The following KLK1 variants were observed in gnomAD, a reference collection of about 807,000 sequenced individuals.
KLK1 encodes the protein kallikrein 1.
KLK1 carries 22 observed loss-of-function variants against 23.3 expected under a neutral mutation model. The observed-to-expected ratio is 0.95, with a 90% CI of 0.68 to 1.35. KLK1 has a LOEUF of 1.35. Ranked by LOEUF, KLK1 falls within the 40% of genes most tolerant of loss-of-function variation. The probability of loss-of-function intolerance (pLI) is 0.00; values close to 1 mark genes in which losing one functional copy is unlikely to be tolerated. For missense variants in KLK1, 301 were observed against 338.9 expected (o/e 0.89, Z 0.88); for synonymous variants, 140 against 135.8 (o/e 1.03, Z -0.21).
intron 1 of KLK1, chr19:50,822,989 C>T: frequency 1.2e-6 from 1 of 848,602 alleles, no homozygotes. Context: ...AGGGCTGGGG[C>T]CTGGGGCGGG....
chr19:50,820,332 C>A lies in KLK1; in HGVS notation c.318G>T (p.Leu106=). ...CGTCTGCTTGGCGGGTGTGGTTCTC[C>A]AGGAGGCTCATGTTGAAGCCAGGGT... The part of the protein sequence containing the change: ...FPHPGFNMSL[L]ENHTRQADED... The change falls in exon 3 of 5, where the codon CTG becomes CTT. Residue 106 remains leucine, a synonymous_variant. Coordinates refer to ENST00000301420, the MANE Select transcript of KLK1 (RefSeq NM_002257.4). 1 of 1,613,986 alleles carries A rather than the reference C, an allele frequency of 6.2e-7. No individual in the cohort carries two copies.
intron 4 of KLK1, 69 bp downstream of exon 4, chr19:50,819,830 C>G: frequency 6.6e-7 from 1 of 1,523,448 alleles, no homozygotes; most frequent in Non-Finnish European, 8.9e-7. Flanking sequence ...GGTTAGCTCT[C>G]AGAAGCCAGT....
chr19:50,819,608 A>C (rs1403060689), intron 4 of KLK1, among the ~76,000 whole-genome samples: 1 of 152,214 alleles, frequency 6.6e-6, no homozygotes, highest in African/African-American at 2.4e-5. Context: ...GACCATCTGC[A>C]GGACGCTGCC....
rs1323239862 is a variant in KLK1 at position 50,819,950 on chromosome 19, T to C, written c.582A>G (p.Thr194=). ...GGTGTCCGACACACAGCATGAAGTCTGTCACCTTCTGGACGTGGGCTTTTT... is the reference window on the plus strand; with the variant it reads ...GGTGTCCGACACACAGCATGAAGTCCGTCACCTTCTGGACGTGGGCTTTTT... ...ECKKAHVQKV[T]DFMLCVGHLE... The change falls in exon 4 of 5, where the codon ACA becomes ACG. Residue 194 remains threonine (T), a synonymous_variant. Coordinates refer to ENST00000301420, the MANE Select transcript of KLK1 (RefSeq NM_002257.4). 2.5e-6 allele frequency: 4 copies of C among 1,614,110 alleles called. No homozygotes were observed. Among genetic ancestry groups the C allele is most frequent in the South Asian group, 1.1e-5 (1 of 91,080 alleles).
Position 50,821,703 on chromosome 19 carries a change from C to G in KLK1, c.206+9G>C. 6.3e-7 allele frequency: 1 copy of G among 1,599,722 alleles called. No individual in the cohort carries two copies. Among genetic ancestry groups the G allele is most frequent in the Non-Finnish European group, 8.5e-7 (1 of 1,172,106 alleles). The stretch of plus-strand genomic sequence containing the variant: ...ATGCCCTCCTCCCAGACCCCAGGCC[C>G]CTACTCACTCGCTGATGCAATGAGC... On this transcript the variant is annotated intron_variant, in intron 2 of 4. Transcript: ENST00000301420. This position sits in a 1 kb window ranked among gnomAD's most constrained non-coding sequence, Gnocchi z 5.6.
chr19:50,819,883 G>A lies in KLK1; in HGVS notation c.633+16C>T, dbSNP rs761124969. 4.5e-5 allele frequency: 72 copies of A among 1,613,250 alleles called. No individual in the cohort carries two copies. Among genetic ancestry groups the A allele is most frequent in the Non-Finnish European group, 2.1e-5 (25 of 1,179,614 alleles). On this transcript the variant is annotated intron_variant, in intron 4 of 4. Transcript: ENST00000301420. ...TCCCTCAGCCCTTCCAGACCCTGGG[G>A]GCAGGGCTGCCTCACCACACAGGTG...
chr19:50,823,573 G>A lies in KLK1; in HGVS notation c.46+130C>T. ...GATAGATAAGAGCCGGGGCACCCCG[G>A]ACTAGGATAGACTGTGGGCCAGAGG... On this transcript the variant is annotated intron_variant, in intron 1 of 4. Transcript: ENST00000301420. 3 of 572,784 alleles carry A rather than the reference G, an allele frequency of 5.2e-6. 1 individual carries two copies. The South Asian group carries it at 8.6e-5, about 16-fold the overall frequency. The allele number at this position is 572,784 out of a possible 1,614,324, so 35.5% of individuals were successfully genotyped here. A position where few individuals can be genotyped will look rare whatever the true frequency, so the allele number is the denominator to read the frequency against.
chr19:50,819,798 G>A (rs1184102128), intron 4 of KLK1, 101 bp downstream of exon 4: 1 of 1,189,660 alleles, frequency 8.4e-7, no homozygotes, highest in East Asian at 2.4e-5. Flanking sequence ...CAGCTAGCTG[G>A]GAAGCAGTGA....
Position 50,821,246 on chromosome 19 carries a change from G to A in KLK1, c.206+466C>T, listed in dbSNP as rs955785243. 1.3e-5 allele frequency among the ~76,000 whole-genome samples: 2 copies of A among 152,150 alleles called. No individual in the cohort carries two copies. The highest frequency in any genetic ancestry group is 2.9e-5 in the Non-Finnish European group (2 of 68,030). ...CAGAGGGAGAGGCGCCCCCTCCCAG[G>A]CACACAAGTTGGGGATAAAGCCCTT... On this transcript the variant is annotated intron_variant, in intron 2 of 4. Coordinates refer to ENST00000301420, the MANE Select transcript of KLK1 (RefSeq NM_002257.4). This position sits in a 1 kb window ranked among gnomAD's most constrained non-coding sequence, Gnocchi z 5.6.
intron 1 of KLK1, chr19:50,822,103 G>T: frequency 7.6e-7 from 1 of 1,320,174 alleles, no homozygotes. Context: ...TCTGACAGTA[G>T]AGCAGCCTCC....
In KLK1 at chr19:50,820,256, T is replaced by C; in HGVS notation, c.394A>G (p.Thr132Ala). The C allele has an allele frequency of 6.2e-7, 1 of 1,614,030 alleles. No individual in the cohort carries two copies. Among genetic ancestry groups the C allele is most frequent in the Non-Finnish European group, 8.5e-7 (1 of 1,180,000 alleles). The change falls in exon 3 of 5, where the codon ACC becomes GCC. Residue 132 changes from threonine to alanine, a missense_variant. Thr to Ala is a moderately conservative substitution (Grantham distance 58). Transcript: ENST00000301420. ...ACGACCTTCACAGCATCTGTGATGG[T>C]ATCAGCAGGCTCTGTCAGGCGGAGC... ...MLLRLTEPADTITDAVKVVEL... is the reference protein window; with the variant it reads ...MLLRLTEPADAITDAVKVVEL...
intron 1 of KLK1, 99 bp downstream of exon 1, chr19:50,823,604 G>A: frequency 5.3e-6 from 4 of 752,796 alleles, no homozygotes; most frequent in Non-Finnish European, 9.1e-6. Context: ...AGAGGGATGA[G>A]GGTGGGGTGT....
At position 50,819,239 on chromosome 19, in the gene KLK1, C is replaced by A. The variant is rs757013576; in HGVS notation, c.744G>T (p.Leu248=). The change falls in exon 5 of 5, where the codon CTG becomes CTT. Residue 248 remains leucine, a synonymous_variant. Coordinates refer to ENST00000301420, the MANE Select transcript of KLK1 (RefSeq NM_002257.4). Reference sequence around the variant, plus strand: ...TGTCCTCGATCCACTTCACATAAGACAGCACTCTGACGGCGACAGAAGGCT... The same window carrying A: ...TGTCCTCGATCCACTTCACATAAGAAAGCACTCTGACGGCGACAGAAGGCT... ...PNKPSVAVRV[L]SYVKWIEDTI... is the part of the protein sequence containing the mutation. The A allele has an allele frequency of 9.9e-6, 16 of 1,614,044 alleles. No individual in the cohort carries two copies. The African/African-American group carries it at 2.1e-4, about 22-fold the overall frequency.
At chr19:50,820,469 T>A (rs2089819740) in intron 2 of KLK1, 26 bp from the exon 3 acceptor site, 1 of 1,469,388 alleles carries the variant, frequency 6.8e-7, no homozygotes, top group Non-Finnish European at 9.1e-7. Flanking sequence ...AATGGAGGGA[T>A]GAGAAGACGG....
Position 50,819,368 on chromosome 19 carries a change from A to C in KLK1, c.634-19T>G. ...AATCACCCTGGGAGCACAAGGTGGG[A>C]GGGGAGAGTGAGAAAGGTCTACGGG... On this transcript the variant is annotated intron_variant, in intron 4 of 4. Coordinates refer to ENST00000301420, the MANE Select transcript of KLK1 (RefSeq NM_002257.4). The C allele has an allele frequency of 6.3e-7, 1 of 1,595,650 alleles. No individual in the cohort carries two copies. The highest frequency in any genetic ancestry group is 8.6e-7 in the Non-Finnish European group (1 of 1,167,072).
chr19:50,822,798 G>A, intron 1 of KLK1: 1 of 981,500 alleles, frequency 1.0e-6, no homozygotes, highest in Non-Finnish European at 1.2e-6. Flanking sequence ...TTGGAGAAGT[G>A]GTGAGAACAG....
At chr19:50,819,712 G>T (rs185046443) in intron 4 of KLK1, among the ~76,000 whole-genome samples, 187 bp downstream of exon 4, 1 of 152,130 alleles carries the variant, frequency 6.6e-6, no homozygotes, top group Non-Finnish European at 1.5e-5. Flanking sequence ...ACTCTGGTGT[G>T]GGGGGTGAGA....
In KLK1 at chr19:50,819,230, C is replaced by A; in HGVS notation, c.753G>T (p.Val251=). ...PSVAVRVLSY[V]KWIEDTIAEN... ...CCGCTATGGTGTCCTCGATCCACTTCACATAAGACAGCACTCTGACGGCGA... is the reference window on the plus strand; with the variant it reads ...CCGCTATGGTGTCCTCGATCCACTTAACATAAGACAGCACTCTGACGGCGA... The change falls in exon 5 of 5, where the codon GTG becomes GTT. Residue 251 remains valine (V), a synonymous_variant. Transcript: ENST00000301420. The A allele has an allele frequency of 6.2e-7, 1 of 1,614,126 alleles. No homozygotes were observed. Among genetic ancestry groups the A allele is most frequent in the Non-Finnish European group, 8.5e-7 (1 of 1,179,988 alleles).
At position 50,821,320 on chromosome 19, in the gene KLK1, G is replaced by T. The variant is rs1409475352; in HGVS notation, c.206+392C>A. 6.6e-6 allele frequency among the ~76,000 whole-genome samples: 1 copy of T among 152,152 alleles called. No homozygotes were observed. Among genetic ancestry groups the T allele is most frequent in the East Asian group, 1.9e-4 (1 of 5,188 alleles). ...GGTCCATCTGGGTGTGTGTTTAGTA[G>T]GGATGAGGGAGCGGTGAGGTAGAGA... On this transcript the variant is annotated intron_variant, in intron 2 of 4. Transcript: ENST00000301420. This position sits in a 1 kb window ranked among gnomAD's most constrained non-coding sequence, Gnocchi z 5.6.
Sources: allele counts gnomAD v4.1 joint callset (sites outside exome capture counted in the v4.1 genomes callset), GRCh38; gene constraint gnomAD v4.1.1; non-coding constraint Gnocchi (gnomAD v3.1); transcripts MANE v1.5; gene names NCBI Gene and HGNC (gene_info 2026-07-23, HGNC 2026-07-21).